PTPRG: variants seen among roughly 807,000 people sequenced by gnomAD.
PTPRG encodes protein tyrosine phosphatase receptor type G, also known as receptor-type tyrosine-protein phosphatase gamma.
A neutral mutation model predicts 165.3 loss-of-function variants in PTPRG; 102 were observed. The observed-to-expected ratio is 0.62, with a 90% confidence interval of 0.53 to 0.73. The LOEUF (loss-of-function observed/expected upper bound fraction) is 0.73, where lower values mean the gene tolerates loss of function less well. PTPRG is among the 30% of genes least tolerant of loss of function. PTPRG has a pLI of 0.00. For missense variants in PTPRG, 1,866 were observed against 1,861.4 expected (o/e 1.00, Z -0.05); for synonymous variants, 675 against 669.5 (o/e 1.01, Z -0.13).
At chr3:61,585,485 C>T (rs1329893694) in intron 1 of PTPRG, among the ~76,000 whole-genome samples, 2 of 151,850 alleles carry the variant, frequency 1.3e-5, no homozygotes, top group Non-Finnish European at 2.9e-5. Flanking sequence ...GTGGCTCCCA[C>T]CTAAATCCCA....
At chr3:61,952,403 A>G (rs1243018741) in intron 2 of PTPRG, among the ~76,000 whole-genome samples, 5 of 152,168 alleles carry the variant, frequency 3.3e-5, no homozygotes, top group Admixed American at 3.3e-4. Context: ...AACCACTGTC[A>G]TTCATTAAAT....
At chr3:62,121,401 A>T (rs1247216099) in intron 5 of PTPRG, among the ~76,000 whole-genome samples, 1 of 152,162 alleles carries the variant, frequency 6.6e-6, no homozygotes, top group Non-Finnish European at 1.5e-5. Context: ...TCAACATTAC[A>T]TATGAGGAAA....
intron 2 of PTPRG, among the ~76,000 whole-genome samples, chr3:61,807,538 C>T (rs1209378300): frequency 6.6e-6 from 1 of 152,162 alleles, no homozygotes; most frequent in Non-Finnish European, 1.5e-5. Context: ...AGGTCTTGAT[C>T]AGTGCAAGTT....
intron 1 of PTPRG, among the ~76,000 whole-genome samples, chr3:61,670,683 G>T (rs970441482): frequency 6.6e-6 from 1 of 152,116 alleles, no homozygotes; most frequent in African/African-American, 2.4e-5. Context: ...AAAATCTCTC[G>T]CAGTCCCCCG....
chr3:61,853,717 A>G (rs2037028361), intron 2 of PTPRG, among the ~76,000 whole-genome samples: 1 of 152,326 alleles, frequency 6.6e-6, no homozygotes, highest in East Asian at 1.9e-4. Flanking sequence ...GTTACACAGC[A>G]TATGACAACT....
chr3:62,105,315 C>A (rs937143069), intron 5 of PTPRG, among the ~76,000 whole-genome samples: 2 of 152,152 alleles, frequency 1.3e-5, no homozygotes, highest in Non-Finnish European at 2.9e-5. Flanking sequence ...GGTGTGTGAT[C>A]TGAGTTAATT....
chr3:61,759,122 C>G (rs1039386363), intron 2 of PTPRG, among the ~76,000 whole-genome samples: 1 of 152,050 alleles, frequency 6.6e-6, no homozygotes, highest in Non-Finnish European at 1.5e-5. Flanking sequence ...TCCTATGACC[C>G]TGTTTGAGAT....
chr3:61,680,501 G>GA (rs34153657), intron 1 of PTPRG, among the ~76,000 whole-genome samples: 2,345 of 84,896 alleles, frequency 0.028, 189 homozygotes, highest in Admixed American at 0.042. Context: ...TCAGCTTTAT[G>GA]AAAAAAAAAA....
At chr3:61,815,845 C>A (rs1436630842) in intron 2 of PTPRG, among the ~76,000 whole-genome samples, 1 of 152,174 alleles carries the variant, frequency 6.6e-6, no homozygotes, top group Non-Finnish European at 1.5e-5. Flanking sequence ...GAACATGTTC[C>A]TCATTTGCCC....
chr3:62,105,368 G>T lies in PTPRG; in HGVS notation c.615+27110G>T, dbSNP rs182372616. 6.6e-3 allele frequency among the ~76,000 whole-genome samples: 1,002 copies of T among 152,212 alleles called. 14 individuals are homozygous for T. Among genetic ancestry groups the T allele is most frequent in the African/African-American group, 0.023 (963 of 41,510 alleles). On this transcript the variant is annotated intron_variant, in intron 5 of 29. Transcript: ENST00000474889. ...AGACTTCGACATGATTTCTTTTCCA[G>T]CAAATAAAACTTGAGAAAATTCAAG...
At chr3:61,653,771 C>G (rs1002655176) in intron 1 of PTPRG, among the ~76,000 whole-genome samples, 1 of 152,004 alleles carries the variant, frequency 6.6e-6, no homozygotes, top group Admixed American at 6.6e-5. Flanking sequence ...AAGGGAGGCT[C>G]TAGAATCTGC....
At chr3:61,804,398 G>A (rs1160318978) in intron 2 of PTPRG, among the ~76,000 whole-genome samples, 1 of 152,164 alleles carries the variant, frequency 6.6e-6, no homozygotes, top group Non-Finnish European at 1.5e-5. Context: ...CAATTTCTTT[G>A]TAAAGGGATG....
At chr3:61,665,227 G>A (rs1014586610) in intron 1 of PTPRG, among the ~76,000 whole-genome samples, 1 of 152,140 alleles carries the variant, frequency 6.6e-6, no homozygotes, top group African/African-American at 2.4e-5. Context: ...TAAGAAATGG[G>A]GAGCTAAGAA....
At chr3:61,925,382 G>A (rs1258678472) in intron 2 of PTPRG, among the ~76,000 whole-genome samples, 1 of 152,184 alleles carries the variant, frequency 6.6e-6, no homozygotes, top group Non-Finnish European at 1.5e-5. Flanking sequence ...AGAGTCCAAA[G>A]CAGGAGCTGA....
intron 12 of PTPRG, among the ~76,000 whole-genome samples, chr3:62,208,747 C>T (rs536363408): frequency 6.6e-6 from 1 of 152,342 alleles, no homozygotes; most frequent in South Asian, 2.1e-4. Context: ...CTCTTTGGAA[C>T]TCTTAAGCAC....
At chr3:61,813,905 T>TTGG (rs1553673997) in intron 2 of PTPRG, among the ~76,000 whole-genome samples, 1 of 147,194 alleles carries the variant, frequency 6.8e-6, no homozygotes, top group Non-Finnish European at 1.5e-5. Flanking sequence ...TTTTTTTTTT[T>TTGG]GGGGGGGGTT....
intron 2 of PTPRG, among the ~76,000 whole-genome samples, chr3:61,884,328 A>G (rs2037970350): frequency 6.6e-6 from 1 of 152,214 alleles, no homozygotes; most frequent in Non-Finnish European, 1.5e-5. Flanking sequence ...AGCTCGGTGA[A>G]ATGAATATTA....
chr3:61,703,282 T>G (rs961920839), intron 1 of PTPRG, among the ~76,000 whole-genome samples: 8 of 152,190 alleles, frequency 5.3e-5, no homozygotes, highest in African/African-American at 1.9e-4. Context: ...CTGATGCCTT[T>G]CTGGAAAATA....
At chr3:62,231,669 A>G (rs1700904784) in intron 14 of PTPRG, among the ~76,000 whole-genome samples, 1 of 152,156 alleles carries the variant, frequency 6.6e-6, no homozygotes, top group African/African-American at 2.4e-5. Flanking sequence ...TGAGCTTTTA[A>G]AAAAACATAT....
Sources: gnomAD v4.1 joint callset for allele counts (sites outside exome capture counted in the v4.1 genomes callset) on GRCh38, gnomAD v4.1.1 for gene constraint, MANE v1.5 for transcripts, NCBI Gene and HGNC (gene_info 2026-07-23, HGNC 2026-07-21) for gene names.